Variants in ZC3H13 observed in about 807,000 individuals in gnomAD.
ZC3H13 encodes zinc finger CCCH domain-containing protein 13.
Under a neutral mutation model 204.1 loss-of-function variants are expected in ZC3H13, and 64 were observed. The observed-to-expected ratio is 0.31, with a 90% CI of 0.26 to 0.39. The LOEUF is 0.39. Ranked by LOEUF, ZC3H13 falls within the 10% of genes least tolerant of loss-of-function variation. ZC3H13 has a pLI of 1.00. For synonymous variants in ZC3H13, 667 were observed against 693.7 expected (o/e 0.96, Z 0.60); for missense variants, 1,833 against 2,082.7 (o/e 0.88, Z 2.33).
chr13:45,960,769 G>T (rs1951623529), intron 17 of ZC3H13, among the ~76,000 whole-genome samples: 1 of 152,058 alleles, frequency 6.6e-6, no homozygotes, highest in African/African-American at 2.4e-5. Context: ...GCTCAAGCAG[G>T]TTACTTTTAC....
At chr13:45,964,707 T>C (rs1951946215) in intron 16 of ZC3H13, among the ~76,000 whole-genome samples, 1 of 152,126 alleles carries the variant, frequency 6.6e-6, no homozygotes, top group Admixed American at 6.5e-5. Context: ...TTTAAAAAAG[T>C]TGTTAGTAAC....
chr13:46,010,189 TTG>T (rs2041447935), intron 7 of ZC3H13, 157 bp downstream of exon 7: 5 of 659,376 alleles, frequency 7.6e-6, no homozygotes, highest in Non-Finnish European at 1.1e-5. Flanking sequence ...TTCTCTATAA[TTG>T]TCTTTTTAAT....
rs965067892 is a variant in ZC3H13, at chr13:45,975,138, T to C, written c.2468+145A>G. On this transcript the variant is annotated intron_variant, in intron 12 of 18. Coordinates refer to ENST00000679008, the MANE Select transcript of ZC3H13 (RefSeq NM_001330564.2). ...TGGGTAAAAAAACTTTAAACACCGA[T>C]ACATATACTAAATTTGAAAAACAGG... 8.3e-6 allele frequency: 11 copies of C among 1,317,388 alleles called. No homozygotes were observed. The Admixed American group carries it at 1.1e-4, about 13-fold the overall frequency. The allele number at this position is 1,317,388 out of a possible 1,614,324, so 81.6% of individuals were successfully genotyped here.
chr13:46,000,164 T>A (rs1052414410), intron 8 of ZC3H13, among the ~76,000 whole-genome samples: 1 of 152,152 alleles, frequency 6.6e-6, no homozygotes, highest in Non-Finnish European at 1.5e-5. Context: ...GGCTTCACCT[T>A]AAAACCCCCA....
intron 15 of ZC3H13, 133 bp downstream of exon 15, chr13:45,967,371 C>T (rs2137860353): frequency 9.9e-7 from 1 of 1,012,854 alleles, no homozygotes; most frequent in African/African-American, 1.6e-5. Context: ...CTGAAATCTA[C>T]TTCCTCTATA....
intron 9 of ZC3H13, 97 bp downstream of exon 9, chr13:45,988,690 A>G: frequency 7.3e-7 from 1 of 1,367,094 alleles, no homozygotes; most frequent in Non-Finnish European, 9.9e-7. Context: ...TGTGTTACAG[A>G]AGACTTAACA....
chr13:46,032,481 A>T (rs2042964848), intron 4 of ZC3H13, among the ~76,000 whole-genome samples: 1 of 152,048 alleles, frequency 6.6e-6, no homozygotes, highest in East Asian at 1.9e-4. Context: ...ATGAAATAAC[A>T]TTTTTTTCTA....
intron 10 of ZC3H13, among the ~76,000 whole-genome samples, chr13:45,981,183 C>T (rs1953561068): frequency 6.6e-6 from 1 of 152,178 alleles, no homozygotes; most frequent in African/African-American, 2.4e-5. Context: ...AAGACAGAAA[C>T]TCTGAGGGCC....
At chr13:45,988,670 T>A in intron 9 of ZC3H13, 117 bp downstream of exon 9, 1 of 1,159,758 alleles carries the variant, frequency 8.6e-7, no homozygotes, top group East Asian at 2.4e-5. Context: ...CCCTCAAAAA[T>A]TCTAGTCTGT....
At chr13:45,979,776 T>C (rs548160642) in intron 11 of ZC3H13, 37 bp downstream of exon 11, 2 of 1,516,674 alleles carry the variant, frequency 1.3e-6, no homozygotes, top group Non-Finnish European at 1.8e-6. Flanking sequence ...GCCCAATTGA[T>C]ATTGTTCACT....
Position 46,052,640 on chromosome 13 carries a change from C to A in ZC3H13, c.-246G>T. The stretch of plus-strand genomic sequence containing the variant: ...TCTCCAGGGTCAAGCGAAACTGGGT[C>A]GCAGGAAGAAAAATAACGAAGAGAT... On this transcript the variant is annotated 5_prime_UTR_variant, in exon 1 of 19. Transcript: ENST00000679008. 1 of 398,634 alleles carries A rather than the reference C, an allele frequency of 2.5e-6. No homozygotes were observed. The allele number at this position is 398,634 out of a possible 1,614,324, so 24.7% of individuals were successfully genotyped here.
intron 8 of ZC3H13, among the ~76,000 whole-genome samples, chr13:45,993,132 A>G (rs952937546): frequency 6.6e-6 from 1 of 152,162 alleles, no homozygotes; most frequent in Non-Finnish European, 1.5e-5. Context: ...CAAACCAACA[A>G]TGACAAAGCA....
chr13:46,041,912 C>T (rs2043614115), intron 4 of ZC3H13, among the ~76,000 whole-genome samples: 1 of 151,992 alleles, frequency 6.6e-6, no homozygotes, highest in Non-Finnish European at 1.5e-5. Flanking sequence ...CTAAGGGATC[C>T]CTACACAAAA....
intron 8 of ZC3H13, among the ~76,000 whole-genome samples, chr13:45,993,042 T>C (rs1171687151): frequency 6.6e-6 from 1 of 152,150 alleles, no homozygotes; most frequent in Non-Finnish European, 1.5e-5. Flanking sequence ...TGGTTCAGTT[T>C]CTCTGGAAAA....
chr13:46,013,854 A>C (rs1265240282), intron 5 of ZC3H13, among the ~76,000 whole-genome samples: 1 of 152,218 alleles, frequency 6.6e-6, no homozygotes, highest in Non-Finnish European at 1.5e-5. Flanking sequence ...TATATGCAAC[A>C]CATAAGAAAA....
intron 17 of ZC3H13, among the ~76,000 whole-genome samples, chr13:45,961,420 GTT>G (rs999948239): frequency 7.2e-5 from 11 of 151,792 alleles, no homozygotes; most frequent in African/African-American, 2.7e-4. Context: ...TCTCTTTAAA[GTT>G]TTGAACTGAG....
At chr13:45,988,432 T>G (rs888007536) in intron 9 of ZC3H13, among the ~76,000 whole-genome samples, 9 of 152,228 alleles carry the variant, frequency 5.9e-5, no homozygotes, top group Admixed American at 1.3e-4. Context: ...TAATTTTTTG[T>G]ATTTTTAGTA....
intron 1 of ZC3H13, among the ~76,000 whole-genome samples, chr13:46,046,893 C>T (rs945493142): frequency 2.0e-5 from 3 of 151,962 alleles, no homozygotes; most frequent in Non-Finnish European, 2.9e-5. Context: ...GTAGAAACTG[C>T]CTCATAAGGG....
chr13:45,983,836 G>A (rs1953932289), intron 10 of ZC3H13, among the ~76,000 whole-genome samples: 1 of 152,126 alleles, frequency 6.6e-6, no homozygotes, highest in Non-Finnish European at 1.5e-5. Flanking sequence ...AGGAACATCT[G>A]TTAAGAGAAT....
Sources: allele counts gnomAD v4.1 joint callset (sites outside exome capture counted in the v4.1 genomes callset), GRCh38; gene constraint gnomAD v4.1.1; transcripts MANE v1.5; gene names NCBI Gene and HGNC (gene_info 2026-07-23, HGNC 2026-07-21).